Variants in MID1 observed in about 807,000 individuals in gnomAD.
MID1 encodes the protein E3 ubiquitin-protein ligase Midline-1.
Under a neutral mutation model 40.4 loss-of-function variants are expected in MID1, and 7 were observed. The ratio of observed to expected loss-of-function variants is 0.17; its 90% CI spans 0.10 to 0.33. MID1 has a LOEUF of 0.33. MID1 is among the 10% of genes least tolerant of loss of function. The pLI is 1.00. For synonymous variants in MID1, 229 were observed against 221.2 expected (o/e 1.04, Z -0.31); for missense variants, 367 against 558.5 (o/e 0.66, Z 3.46).
intron 1 of MID1, among the ~76,000 whole-genome samples, chrX:10,593,168 G>A (rs1935343593): frequency 8.9e-6 from 1 of 112,073 alleles, no homozygotes; most frequent in Non-Finnish European, 1.9e-5. Context: ...AGGTTTTTGT[G>A]CATTTACATG....
intron 3 of MID1, chrX:10,505,674 C>G: frequency 1.3e-6 from 1 of 753,612 alleles, no homozygotes. Flanking sequence ...AGCAGATGAC[C>G]ATTAATGGAG....
Position 10,794,511 on chromosome X carries a change from A to C in MID1, c.-187+39043T>G, listed in dbSNP as rs771650318. ...GAAACCAGTCAGCAAGCACAGAGCT[A>C]AGGAACTTGAACTGAGTGACTGAAG... On this transcript the variant is annotated intron_variant, in intron 1 of 10. Transcript: ENST00000380785. 6.2e-5 allele frequency among the ~76,000 whole-genome samples: 7 copies of C among 112,467 alleles called. No homozygotes were observed. In the East Asian group the frequency reaches 2.0e-3, roughly 31 times the overall value.
intron 1 of MID1, among the ~76,000 whole-genome samples, chrX:10,635,339 A>C (rs779616011): frequency 2.7e-5 from 3 of 112,331 alleles, no homozygotes; most frequent in Non-Finnish European, 5.6e-5. Context: ...TGAAATACCA[A>C]ACATTTCAAA....
At chrX:10,806,834 A>G (rs746719389) in intron 1 of MID1, among the ~76,000 whole-genome samples, 1 of 112,571 alleles carries the variant, frequency 8.9e-6, no homozygotes, top group East Asian at 2.8e-4. Flanking sequence ...TTGAATGGCA[A>G]CTAATGAGCT....
chrX:10,463,015 C>T (rs1417071492), intron 7 of MID1, among the ~76,000 whole-genome samples: 1 of 111,778 alleles, frequency 8.9e-6, no homozygotes, highest in Non-Finnish European at 1.9e-5. Flanking sequence ...CTTTTGATTT[C>T]TGCTAAGAAT....
intron 1 of MID1, among the ~76,000 whole-genome samples, chrX:10,782,301 T>C (rs1477110508): frequency 1.8e-5 from 2 of 112,013 alleles, no homozygotes; most frequent in Non-Finnish European, 3.8e-5. Context: ...CCTTCCTGTC[T>C]GCCGCCCTTA....
At chrX:10,662,101 T>C (rs1228695379) in intron 1 of MID1, among the ~76,000 whole-genome samples, 3 of 111,621 alleles carry the variant, frequency 2.7e-5, no homozygotes, top group Non-Finnish European at 1.9e-5. Context: ...GGTCAGGAGT[T>C]TGAGACCAGC....
intron 5 of MID1, among the ~76,000 whole-genome samples, chrX:10,477,054 T>A (rs1377462963): frequency 8.9e-6 from 1 of 112,336 alleles, no homozygotes; most frequent in African/African-American, 3.2e-5. Context: ...GCAGAAAAGT[T>A]AAAAGAAATG....
intron 1 of MID1, among the ~76,000 whole-genome samples, chrX:10,758,141 TG>T (rs1435693122): frequency 0.039 from 4,053 of 104,504 alleles, 256 homozygotes; most frequent in African/African-American, 0.14. Context: ...TTTTTTTTTT[TG>T]TTTTGTATTT....
intron 1 of MID1, among the ~76,000 whole-genome samples, chrX:10,817,552 CTTTCTT>C (rs2044145880): frequency 1.0e-5 from 1 of 97,503 alleles, no homozygotes; most frequent in African/African-American, 3.8e-5. Flanking sequence ...TTCTTTCTTT[CTTTCTT>C]TCTTTCTTTC....
chrX:10,506,297 G>A, intron 3 of MID1: 1 of 1,030,885 alleles, frequency 9.7e-7, no homozygotes, highest in Non-Finnish European at 1.2e-6. Flanking sequence ...GTTGGCAGTT[G>A]TATCCTCCCC....
At chrX:10,613,716 TATATATATATATATATAGAGAG>T (rs1254068412) in intron 1 of MID1, among the ~76,000 whole-genome samples, 6 of 54,004 alleles carry the variant, frequency 1.1e-4, no homozygotes, top group Non-Finnish European at 1.9e-4. Flanking sequence ...TATATATATA[TATATATATATATATATAGAGAG>T]AGAGAGAGAG....
intron 1 of MID1, among the ~76,000 whole-genome samples, chrX:10,570,345 T>C (rs1934687610): frequency 1.8e-5 from 2 of 112,316 alleles, no homozygotes; most frequent in African/African-American, 6.5e-5. Flanking sequence ...CTACCCATCG[T>C]GGTAATTCTT....
At chrX:10,681,483 G>A (rs1255288715) in intron 1 of MID1, among the ~76,000 whole-genome samples, 1 of 112,176 alleles carries the variant, frequency 8.9e-6, no homozygotes, top group Non-Finnish European at 1.9e-5. Context: ...GCTGTCAGCT[G>A]GAACATATAT....
intron 1 of MID1, among the ~76,000 whole-genome samples, chrX:10,700,102 G>A (rs757380509): frequency 3.5e-4 from 39 of 111,499 alleles, no homozygotes; most frequent in African/African-American, 1.2e-3. Context: ...GATTACAGGC[G>A]TGAGCCACCA....
chrX:10,572,219 C>CACACAT (rs1555906320), intron 1 of MID1, among the ~76,000 whole-genome samples: 86 of 100,677 alleles, frequency 8.5e-4, no homozygotes, highest in Admixed American at 4.2e-4. Context: ...CACACACACA[C>CACACAT]ATATATATAT....
intron 1 of MID1, among the ~76,000 whole-genome samples, chrX:10,681,132 GCAA>G: frequency 9.2e-6 from 1 of 109,026 alleles, no homozygotes; most frequent in East Asian, 2.8e-4. Context: ...TGTATTAAAG[GCAA>G]CAACAACAGC....
At chrX:10,737,772 T>C (rs1270522607) in intron 1 of MID1, among the ~76,000 whole-genome samples, 4 of 108,665 alleles carry the variant, frequency 3.7e-5, no homozygotes, top group African/African-American at 3.4e-5. Flanking sequence ...GGCAAAAAGA[T>C]GGGAGAAGAG....
chrX:10,803,174 A>T (rs1057058771), intron 1 of MID1, among the ~76,000 whole-genome samples: 7 of 110,440 alleles, frequency 6.3e-5, no homozygotes, highest in African/African-American at 2.3e-4. Context: ...CCCTGAATCT[A>T]AAAGTTGAAA....
Sources: allele counts gnomAD v4.1 joint callset (sites outside exome capture counted in the v4.1 genomes callset), GRCh38; gene constraint gnomAD v4.1.1; transcripts MANE v1.5; gene names NCBI Gene and HGNC (gene_info 2026-07-23, HGNC 2026-07-21).